Variants in ALG9 observed in about 807,000 individuals in gnomAD.
ALG9 encodes alpha-1,2-mannosyltransferase ALG9.
In ALG9, 55 loss-of-function variants were observed where a neutral mutation model predicts 81.8. The observed-to-expected ratio is 0.67, with a 90% CI of 0.54 to 0.84. The LOEUF is 0.84. Ranked by LOEUF, ALG9 falls within the 40% of genes least tolerant of loss-of-function variation. The probability of loss-of-function intolerance (pLI) is 0.00; values close to 1 mark genes in which losing one functional copy is unlikely to be tolerated. For missense variants in ALG9, 629 were observed against 745.0 expected (o/e 0.84, Z 1.81); for synonymous variants, 278 against 274.3 (o/e 1.01, Z -0.13).
chr11:111,809,271 G>A (rs1405318738), intron 14 of ALG9, among the ~76,000 whole-genome samples: 3 of 152,222 alleles, frequency 2.0e-5, no homozygotes, highest in Non-Finnish European at 4.4e-5. Context: ...ACTCATGCCT[G>A]TAATCCCAGC....
intron 14 of ALG9, among the ~76,000 whole-genome samples, chr11:111,797,151 A>G (rs180962219): frequency 6.6e-6 from 1 of 152,374 alleles, no homozygotes; most frequent in East Asian, 1.9e-4. Context: ...CCTCCCATCA[A>G]CAGGGGAAGT....
intron 10 of ALG9, among the ~76,000 whole-genome samples, chr11:111,838,938 T>C (rs1389269457): frequency 2.0e-5 from 3 of 152,180 alleles, no homozygotes; most frequent in African/African-American, 7.2e-5. Context: ...TTTGAGTACC[T>C]TCTACTCAGA....
intron 13 of ALG9, among the ~76,000 whole-genome samples, chr11:111,828,017 G>A (rs1044053514): frequency 2.3e-4 from 35 of 151,756 alleles, no homozygotes; most frequent in African/African-American, 8.5e-4. Flanking sequence ...GTGAAACCCT[G>A]TCTCTACTAA....
At chr11:111,843,504 G>C (rs558203676) in intron 9 of ALG9, among the ~76,000 whole-genome samples, 14 of 152,298 alleles carry the variant, frequency 9.2e-5, no homozygotes, top group Non-Finnish European at 1.8e-4. Context: ...TCTGAAGGCT[G>C]CTCTAATATT....
chr11:111,775,848 T>C, the ALG9 span, among the ~76,000 whole-genome samples: 1 of 152,212 alleles, frequency 6.6e-6, no homozygotes, highest in Non-Finnish European at 1.5e-5. Context: ...GGTTATGAAA[T>C]AGGGACTATA....
chr11:111,857,650 C>T lies in ALG9; in HGVS notation c.653G>A (p.Gly218Glu). 1 of 1,614,182 alleles carries T rather than the reference C, an allele frequency of 6.2e-7. No homozygotes were observed. The highest frequency in any genetic ancestry group is 8.5e-7 in the Non-Finnish European group (1 of 1,180,030). Reference sequence around the variant, plus strand: ...GCCTAAGATAGCCCCAGCTGCTACTCCCAGCACAGCAATGGAAGTCTTGTC... The same window carrying T: ...GCCTAAGATAGCCCCAGCTGCTACTTCCAGCACAGCAATGGAAGTCTTGTC... ...YMDKTSIAVL[G>E]VAAGAILGWP... Residue 218 changes from glycine (G) to glutamate (E), a missense_variant, in exon 6 of 15, where the codon GGA (glycine) becomes GAA (glutamate). Transcript: ENST00000616540.
At chr11:111,769,493 C>T in the ALG9 span, 265 of 151,708 alleles carry the variant, frequency 1.7e-3, no homozygotes, top group Non-Finnish European at 2.9e-3. Flanking sequence ...CTGTAGTGCA[C>T]GCCTAGTTTC....
chr11:111,844,638 C>G lies in ALG9; in HGVS notation c.981G>C (p.Leu327=), dbSNP rs1956697402. Residue 327 remains leucine (L), a synonymous_variant, in exon 9 of 15, where the codon CTG becomes CTC. Transcript: ENST00000616540. ...GCAGCAGGTATTCCATAAGAGAAGT[C>G]AGTGGTAGGACTAGGAGAGCCAAAG... ...AFALALLVLP[L]TSLMEYLLQR... 1 of 1,614,006 alleles carries G rather than the reference C, an allele frequency of 6.2e-7. No individual in the cohort carries two copies. The highest frequency in any genetic ancestry group is 8.5e-7 in the Non-Finnish European group (1 of 1,179,992).
At chr11:111,809,517 TAC>T (rs4026119) in intron 14 of ALG9, 124 bp downstream of exon 14, 44,702 of 856,636 alleles carry the variant, frequency 0.052, no homozygotes, top group Non-Finnish European at 0.058. Context: ...GAGACTCCAT[TAC>T]ACACACACAC....
At chr11:111,866,409 G>C (rs2137239090) in intron 3 of ALG9, among the ~76,000 whole-genome samples, 1 of 152,102 alleles carries the variant, frequency 6.6e-6, no homozygotes, top group South Asian at 2.1e-4. Flanking sequence ...TTTCATTTGG[G>C]GTAGCAAGAG....
chr11:111,844,592 G>A lies in ALG9; in HGVS notation c.1018+9C>T. 6.2e-7 allele frequency: 1 copy of A among 1,613,898 alleles called. No homozygotes were observed. The highest frequency in any genetic ancestry group is 8.5e-7 in the Non-Finnish European group (1 of 1,179,902). ...TCCCAAAACACCTACCATCTCTTATGCCACTCACCATGAAATCTCTGCAGC... is the reference window on the plus strand; with the variant it reads ...TCCCAAAACACCTACCATCTCTTATACCACTCACCATGAAATCTCTGCAGC... On this transcript the variant is annotated intron_variant, in intron 9 of 14. Transcript: ENST00000616540.
At chr11:111,794,369 G>C (rs868968727) in intron 14 of ALG9, among the ~76,000 whole-genome samples, 1 of 152,104 alleles carries the variant, frequency 6.6e-6, no homozygotes, top group East Asian at 1.9e-4. Context: ...CTGCAGCCTC[G>C]ACCTCCTGGG....
chr11:111,802,409 C>T (rs954689289), intron 14 of ALG9, among the ~76,000 whole-genome samples: 3 of 152,148 alleles, frequency 2.0e-5, no homozygotes, highest in Non-Finnish European at 4.4e-5. Context: ...CAAAAACAGG[C>T]TGAGTGAAAG....
At chr11:111,849,106 AGTC>A (rs1459436299) in intron 8 of ALG9, among the ~76,000 whole-genome samples, 1 of 151,342 alleles carries the variant, frequency 6.6e-6, no homozygotes, top group African/African-American at 2.4e-5. Context: ...GCTGGAGTGC[AGTC>A]GTGCAGTTTC....
chr11:111,811,747 A>G (rs573910679), intron 13 of ALG9, among the ~76,000 whole-genome samples: 360 of 152,280 alleles, frequency 2.4e-3, no homozygotes, highest in African/African-American at 8.3e-3. Context: ...GCCAGGCACC[A>G]AAGGCCACAT....
intron 10 of ALG9, among the ~76,000 whole-genome samples, chr11:111,839,743 G>C (rs1180535944): frequency 3.3e-5 from 5 of 151,970 alleles, no homozygotes; most frequent in Admixed American, 3.3e-4. Context: ...TAAATTATCT[G>C]CAATAAAGTT....
intron 14 of ALG9, among the ~76,000 whole-genome samples, chr11:111,795,820 G>T (rs1022425775): frequency 6.6e-6 from 1 of 152,302 alleles, no homozygotes; most frequent in Non-Finnish European, 1.5e-5. Flanking sequence ...GAGGAACTGG[G>T]GAAAAATGCT....
At chr11:111,825,776 G>A (rs970886450) in intron 13 of ALG9, among the ~76,000 whole-genome samples, 23 of 152,186 alleles carry the variant, frequency 1.5e-4, no homozygotes, top group African/African-American at 4.8e-4. Flanking sequence ...AGCCGGGCGC[G>A]GTGGCTCACA....
chr11:111,806,304 T>A (rs1195164111), intron 14 of ALG9, among the ~76,000 whole-genome samples: 4 of 152,198 alleles, frequency 2.6e-5, no homozygotes, highest in Admixed American at 2.6e-4. Flanking sequence ...ACACCAATTC[T>A]TCTACTATTC....
Sources: gnomAD v4.1 joint callset for allele counts (sites outside exome capture counted in the v4.1 genomes callset) on GRCh38, gnomAD v4.1.1 for gene constraint, MANE v1.5 for transcripts, NCBI Gene and HGNC (gene_info 2026-07-23, HGNC 2026-07-21) for gene names.